RTN4R: variants seen among roughly 807,000 people sequenced by gnomAD.
The protein encoded by RTN4R is reticulon 4 receptor.
In RTN4R, 4 loss-of-function variants were observed where a neutral mutation model predicts 27.7. The ratio of observed to expected loss-of-function variants is 0.14; its 90% CI spans 0.07 to 0.33. The LOEUF (loss-of-function observed/expected upper bound fraction) is 0.33. RTN4R is among the 10% of genes least tolerant of loss of function. The pLI, the probability that RTN4R is intolerant of heterozygous loss-of-function variation, is 1.00. For synonymous variants in RTN4R, 290 were observed against 305.6 expected, an observed-to-expected ratio of 0.95 and a Z score of 0.53; for missense variants, 554 against 671.5, an observed-to-expected ratio of 0.83 and a Z score of 1.93.
At chr22:20,244,055 C>A (rs931772056) in intron 1 of RTN4R, among the ~76,000 whole-genome samples, 1 of 152,236 alleles carries the variant, frequency 6.6e-6, no homozygotes, top group African/African-American at 2.4e-5. Flanking sequence ...TGAGCCCCCA[C>A]CCCTTTGGAA....
In RTN4R at chr22:20,242,282, T is replaced by A. The variant is rs377689400; in HGVS notation, c.851A>T (p.Glu284Val). 6.7e-5 allele frequency: 107 copies of A among 1,599,634 alleles called. No individual in the cohort carries two copies. The highest frequency in any genetic ancestry group is 8.9e-5 in the Non-Finnish European group (105 of 1,174,378). The change falls in exon 2 of 2, where the codon GAG (glutamate) becomes GTG (valine). Residue 284 changes from glutamate (E) to valine (V), a missense_variant. By Grantham distance (121) the Glu-to-Val change is moderately radical. Coordinates refer to ENST00000043402, the MANE Select transcript of RTN4R (RefSeq NM_023004.6). ...WLQKFRGSSSEVPCSLPQRLA... is the reference protein window; with the variant it reads ...WLQKFRGSSSVVPCSLPQRLA... ...GCGTTGCGGGAGGCTGCAGGGCACCTCGGAGGAGGAGCCGCGGAACTTCTG... is the reference window on the plus strand; with the variant it reads ...GCGTTGCGGGAGGCTGCAGGGCACCACGGAGGAGGAGCCGCGGAACTTCTG...
At chr22:20,246,516 A>G (rs1161591629) in intron 1 of RTN4R, among the ~76,000 whole-genome samples, 2 of 135,170 alleles carry the variant, frequency 1.5e-5, no homozygotes, top group African/African-American at 2.9e-5. Flanking sequence ...GGGGATGGGG[A>G]GGTGGCGGTG....
At chr22:20,264,898 C>G (rs2051268562) in intron 1 of RTN4R, among the ~76,000 whole-genome samples, 1 of 152,214 alleles carries the variant, frequency 6.6e-6, no homozygotes, top group African/African-American at 2.4e-5. Context: ...AGCCAAGTGT[C>G]AGGAGCCCTC....
rs762780374 is a variant in RTN4R, at chr22:20,242,731, C to T, written c.402G>A (p.Thr134=). 3.0e-5 allele frequency: 49 copies of T among 1,612,402 alleles called. 1 individual carries two copies. The Middle Eastern group carries it at 3.5e-3, about 114-fold the overall frequency. The stretch of plus-strand genomic sequence containing the variant: ...GCAGGCCGCAGCGGTCCAGGTGCAG[C>T]GTGTGTAGGCGGCCCAGGCCGTGGA... ...ATFHGLGRLH[T]LHLDRCGLQE... is the part of the protein sequence containing the mutation. Residue 134 remains threonine (T), a synonymous_variant, in exon 2 of 2, where the codon ACG becomes ACA. Coordinates refer to ENST00000043402, the MANE Select transcript of RTN4R (RefSeq NM_023004.6).
rs958463979 is a variant in RTN4R at position 20,241,745 on chromosome 22, G to A, written c.1388C>T (p.Ala463Val). ...LTCSLTPLGLALVLWTVLGPC is the reference protein window; with the variant it reads ...LTCSLTPLGLVLVLWTVLGPC ...CCCAAGCACTGTCCACAGCACCAGC[G>A]CCAGGCCCAGGGGGGTGAGGCTGCA... The change falls in exon 2 of 2, where the codon GCG (alanine) becomes GTG (valine). Residue 463 changes from alanine to valine, a missense_variant. Around this residue, in one of 2 missense-constraint regions of RTN4R, gnomAD observed 141 missense variants for 129.2 expected, o/e 1.09. Transcript: ENST00000043402. The A allele has an allele frequency of 4.3e-5, 67 of 1,551,262 alleles. No homozygotes were observed. Among genetic ancestry groups the A allele is most frequent in the Non-Finnish European group, 5.8e-5 (67 of 1,147,464 alleles).
At chr22:20,257,854 C>G (rs946111899) in intron 1 of RTN4R, among the ~76,000 whole-genome samples, 2 of 152,160 alleles carry the variant, frequency 1.3e-5, no homozygotes, top group Non-Finnish European at 2.9e-5. Context: ...CCCCACACCC[C>G]AGGGTCCCTG....
chr22:20,267,330 G>A (rs2041365466), intron 1 of RTN4R, among the ~76,000 whole-genome samples: 1 of 151,572 alleles, frequency 6.6e-6, no homozygotes, highest in South Asian at 2.1e-4. Context: ...TCCAGGCGGG[G>A]CATGCCCAAC....
At chr22:20,254,625 A>G (rs2051201866) in intron 1 of RTN4R, among the ~76,000 whole-genome samples, 1 of 151,908 alleles carries the variant, frequency 6.6e-6, no homozygotes, top group Non-Finnish European at 1.5e-5. Flanking sequence ...TCTTCACCAT[A>G]TCTTCTTTAG....
rs2051116765 is a variant in RTN4R at position 20,242,806 on chromosome 22, C to T, written c.327G>A (p.Gln109=). ...GCTGTGCATTATCGCTGAGGTCCAG[C>T]TGCTCCAGGAGGGCCAGGCCAGTGA... The part of the protein sequence containing the change: ...AAFTGLALLE[Q]LDLSDNAQLR... Residue 109 remains glutamine, a synonymous_variant, in exon 2 of 2, where the codon CAG becomes CAA. Transcript: ENST00000043402. 1.2e-6 allele frequency: 2 copies of T among 1,612,962 alleles called. No homozygotes were observed. The highest frequency in any genetic ancestry group is 1.7e-6 in the Non-Finnish European group (2 of 1,179,914).
chr22:20,245,983 C>T (rs1286191806), intron 1 of RTN4R, among the ~76,000 whole-genome samples: 1 of 152,264 alleles, frequency 6.6e-6, no homozygotes, highest in Non-Finnish European at 1.5e-5. Context: ...CCAGAGGGCT[C>T]TCCTCAGCCT....
chr22:20,257,717 C>A (rs570531565), intron 1 of RTN4R, among the ~76,000 whole-genome samples: 18 of 152,356 alleles, frequency 1.2e-4, no homozygotes, highest in African/African-American at 4.1e-4. Flanking sequence ...AGATTTTCTA[C>A]AATGAACATG....
intron 1 of RTN4R, among the ~76,000 whole-genome samples, chr22:20,264,678 C>T (rs1309238661): frequency 6.6e-6 from 1 of 152,226 alleles, no homozygotes; most frequent in African/African-American, 2.4e-5. Flanking sequence ...TGCAGCCAGA[C>T]CGCAGAGCAG....
chr22:20,245,183 T>C (rs1028663011), intron 1 of RTN4R, among the ~76,000 whole-genome samples: 7 of 151,252 alleles, frequency 4.6e-5, no homozygotes, highest in Non-Finnish European at 8.8e-5. Context: ...CATGGGGGAG[T>C]GGCCACGTGG....
At position 20,242,087 on chromosome 22, in the gene RTN4R, G is replaced by A. The variant is rs1366209020; in HGVS notation, c.1046C>T (p.Pro349Leu). 1 of 1,612,500 alleles carries A rather than the reference G, an allele frequency of 6.2e-7. No individual in the cohort carries two copies. The highest frequency in any genetic ancestry group is 1.7e-5 in the Admixed American group (1 of 60,012). Reference sequence around the variant, plus strand: ...ATTGCCTGCCGAAGCTGGTCTTCCAGGCTCCAGTACTGAGGCCTTGTCAGC... The same window carrying A: ...ATTGCCTGCCGAAGCTGGTCTTCCAAGCTCCAGTACTGAGGCCTTGTCAGC... The part of the protein sequence containing the change: ...DAADKASVLE[P>L]GRPASAGNAL... The change falls in exon 2 of 2, where the codon CCT (proline) becomes CTT (leucine). Residue 349 changes from proline to leucine, a missense_variant. By Grantham distance (98) the Pro-to-Leu change is moderately conservative. Transcript: ENST00000043402.
At chr22:20,244,432 T>C (rs1325652267) in intron 1 of RTN4R, among the ~76,000 whole-genome samples, 6 of 152,200 alleles carry the variant, frequency 3.9e-5, no homozygotes, top group African/African-American at 1.2e-4. Flanking sequence ...CCGCTGGGCA[T>C]GTGCGTCCTC....
intron 1 of RTN4R, among the ~76,000 whole-genome samples, chr22:20,266,232 C>T (rs1231398269): frequency 6.6e-6 from 1 of 152,240 alleles, no homozygotes; most frequent in African/African-American, 2.4e-5. Context: ...CCTCACACAA[C>T]CTACAAGGAT....
In RTN4R at chr22:20,260,474, C is replaced by T. The variant is rs117839889; in HGVS notation, c.22+7597G>A. ...TGACTCCCAGGTTCCTGGTGGCATG[C>T]GTGGAGGCAGGTGGGGCCAGGAGCA... is the stretch of plus-strand genomic sequence containing the variant. On this transcript the variant is annotated intron_variant, in intron 1 of 1. Transcript: ENST00000043402. Among the ~76,000 whole-genome samples, 804 of 152,256 alleles carry T rather than the reference C, an allele frequency of 5.3e-3. 19 individuals are homozygous for T. The East Asian group carries it at 0.067, about 13-fold the overall frequency.
chr22:20,265,326 G>T (rs1234222609), intron 1 of RTN4R, among the ~76,000 whole-genome samples: 9 of 152,158 alleles, frequency 5.9e-5, no homozygotes, highest in African/African-American at 2.2e-4. Flanking sequence ...CCCCTCCACA[G>T]GCTGTGGGCC....
At chr22:20,251,206 A>T (rs2051174826) in intron 1 of RTN4R, among the ~76,000 whole-genome samples, 2 of 152,114 alleles carry the variant, frequency 1.3e-5, no homozygotes, top group African/African-American at 2.4e-5. Flanking sequence ...CAGGGCCTGG[A>T]AAGAGGTGAC....
Sources: gnomAD v4.1 joint callset for allele counts (sites outside exome capture counted in the v4.1 genomes callset) on GRCh38, gnomAD v4.1.1 for gene constraint, gnomAD v4.1.1 regional missense constraint, MANE v1.5 for transcripts, NCBI Gene and HGNC (gene_info 2026-07-23, HGNC 2026-07-21) for gene names.